The following LRRIQ3 variants were observed in gnomAD, a reference collection of about 807,000 sequenced individuals.
The protein encoded by LRRIQ3 is leucine rich repeats and IQ motif containing 3.
In LRRIQ3, 75 loss-of-function variants were observed where a neutral mutation model predicts 59.3. That is an observed-to-expected ratio of 1.26 (90% CI 1.05 to 1.53). LRRIQ3 has a LOEUF of 1.53. LRRIQ3 is among the 40% of genes most tolerant of loss of function. The pLI is 0.00. For missense variants in LRRIQ3, 831 were observed against 710.0 expected, an observed-to-expected ratio of 1.17 and a Z score of -1.94; for synonymous variants, 250 against 231.3, an observed-to-expected ratio of 1.08 and a Z score of -0.73.
intron 4 of LRRIQ3, among the ~76,000 whole-genome samples, chr1:74,114,778 C>T (rs900069798): frequency 6.1e-5 from 9 of 146,354 alleles, no homozygotes; most frequent in African/African-American, 2.3e-4. Context: ...TAAAAACATA[C>T]AATTAAAAAT....
intron 4 of LRRIQ3, among the ~76,000 whole-genome samples, chr1:74,153,920 G>T (rs1284905206): frequency 6.6e-6 from 1 of 152,026 alleles, no homozygotes; most frequent in African/African-American, 2.4e-5. Flanking sequence ...AACACAGAGA[G>T]CACTAAATAT....
intron 3 of LRRIQ3, among the ~76,000 whole-genome samples, chr1:74,169,446 C>G (rs184565046): frequency 6.6e-6 from 1 of 152,256 alleles, no homozygotes; most frequent in Admixed American, 6.5e-5. Flanking sequence ...AATGCTGGAT[C>G]ATATGATAGC....
Position 74,070,396 on chromosome 1 carries a change from GA to G in LRRIQ3, c.997+4264del, listed in dbSNP as rs546208547. Among the ~76,000 whole-genome samples, 197 of 152,068 alleles carry G rather than the reference GA, an allele frequency of 1.3e-3. 1 individual carries two copies. Among genetic ancestry groups the G allele is most frequent in the Non-Finnish European group, 1.9e-3 (128 of 67,988 alleles). ...AGGAACAGAAAATGAAATACCACAG[GA>G]TCTCACTTATAAGTGGGAGCTAAAC... On this transcript the variant is annotated intron_variant, in intron 6 of 7. Transcript: ENST00000354431.
chr1:74,179,164 A>G, intron 3 of LRRIQ3, among the ~76,000 whole-genome samples: 1 of 152,220 alleles, frequency 6.6e-6, no homozygotes, highest in Non-Finnish European at 1.5e-5. Flanking sequence ...TATATACAAC[A>G]ATCAAAATAT....
intron 4 of LRRIQ3, among the ~76,000 whole-genome samples, chr1:74,151,246 G>T (rs960269510): frequency 1.3e-5 from 2 of 151,750 alleles, no homozygotes; most frequent in Non-Finnish European, 2.9e-5. Context: ...TCGATCTCTT[G>T]ACCTCGTGAT....
chr1:74,108,235 T>C (rs1277139827), intron 5 of LRRIQ3, among the ~76,000 whole-genome samples: 1 of 151,818 alleles, frequency 6.6e-6, no homozygotes, highest in Non-Finnish European at 1.5e-5. Context: ...TCATACTCTG[T>C]ATAAAGTATG....
At chr1:74,054,948 T>A (rs1373426186) in intron 6 of LRRIQ3, among the ~76,000 whole-genome samples, 1 of 147,362 alleles carries the variant, frequency 6.8e-6, no homozygotes, top group Non-Finnish European at 1.5e-5. Context: ...TATTATGAAT[T>A]ATATAATTAT....
chr1:74,046,006 G>C (rs111712042), intron 6 of LRRIQ3, among the ~76,000 whole-genome samples: 2,923 of 152,150 alleles, frequency 0.019, 82 homozygotes, highest in African/African-American at 0.067. Flanking sequence ...TAGGAAGAAT[G>C]AATGTCATTA....
At chr1:74,059,676 T>C (rs911416870) in intron 6 of LRRIQ3, among the ~76,000 whole-genome samples, 5 of 152,100 alleles carry the variant, frequency 3.3e-5, no homozygotes, top group Admixed American at 1.3e-4. Context: ...ATTTGGTTGT[T>C]GGAAATCCCC....
At chr1:74,180,791 A>G (rs1649929959) in intron 3 of LRRIQ3, 8 of 1,549,464 alleles carry the variant, frequency 5.2e-6, no homozygotes, top group East Asian at 2.4e-5. Context: ...TAAGACTAAC[A>G]TTTTTCCACA....
At chr1:74,179,130 C>T (rs575835008) in intron 3 of LRRIQ3, among the ~76,000 whole-genome samples, 1 of 152,130 alleles carries the variant, frequency 6.6e-6, no homozygotes, top group South Asian at 2.1e-4. Flanking sequence ...TTGCCCATAT[C>T]ACTCTGATCT....
At chr1:74,147,097 G>A (rs551933378) in intron 4 of LRRIQ3, among the ~76,000 whole-genome samples, 6 of 152,054 alleles carry the variant, frequency 3.9e-5, no homozygotes, top group African/African-American at 1.2e-4. Flanking sequence ...GCATGGCAAC[G>A]CGTGCCTGTG....
intron 3 of LRRIQ3, among the ~76,000 whole-genome samples, chr1:74,165,312 C>T (rs745936178): frequency 5.9e-5 from 9 of 151,392 alleles, no homozygotes; most frequent in Non-Finnish European, 1.0e-4. Context: ...CAGTACTGTG[C>T]ATGTATTGTT....
intron 1 of LRRIQ3, among the ~76,000 whole-genome samples, chr1:74,189,339 T>C (rs1369011577): frequency 6.6e-6 from 1 of 152,140 alleles, no homozygotes; most frequent in African/African-American, 2.4e-5. Context: ...TACGACAAGT[T>C]CATTTTATTT....
At chr1:74,035,946 A>G (rs1653857502) in intron 7 of LRRIQ3, among the ~76,000 whole-genome samples, 1 of 152,140 alleles carries the variant, frequency 6.6e-6, no homozygotes, top group African/African-American at 2.4e-5. Flanking sequence ...GTGAATCAAC[A>G]ATTGTACTTC....
chr1:74,038,092 T>C (rs994221535), intron 7 of LRRIQ3, among the ~76,000 whole-genome samples: 1 of 152,170 alleles, frequency 6.6e-6, no homozygotes, highest in African/African-American at 2.4e-5. Context: ...AGCAGCCATC[T>C]CTATAGCTCC....
intron 6 of LRRIQ3, among the ~76,000 whole-genome samples, chr1:74,071,782 C>T (rs1557602270): frequency 6.6e-6 from 1 of 152,014 alleles, no homozygotes; most frequent in Non-Finnish European, 1.5e-5. Context: ...TGTTATACAC[C>T]AGGACAACAG....
At chr1:74,031,475 A>G (rs933737335) in intron 7 of LRRIQ3, among the ~76,000 whole-genome samples, 31 of 152,226 alleles carry the variant, frequency 2.0e-4, no homozygotes, top group Non-Finnish European at 3.7e-4. Flanking sequence ...ACATGGATGA[A>G]GCTGGAAACC....
At chr1:74,128,552 C>G (rs565625409) in intron 4 of LRRIQ3, among the ~76,000 whole-genome samples, 1 of 152,188 alleles carries the variant, frequency 6.6e-6, no homozygotes, top group East Asian at 1.9e-4. Context: ...TTTAAATCAT[C>G]TGTCTGAAAG....
Sources: allele counts gnomAD v4.1 joint callset (sites outside exome capture counted in the v4.1 genomes callset), GRCh38; gene constraint gnomAD v4.1.1; transcripts MANE v1.5; gene names NCBI Gene and HGNC (gene_info 2026-07-23, HGNC 2026-07-21).